LCOR: variants seen among roughly 807,000 people sequenced by gnomAD.
The protein encoded by LCOR is ligand-dependent corepressor.
A neutral mutation model predicts 64.4 loss-of-function variants in LCOR; 14 were observed. The observed-to-expected ratio is 0.22, with a 90% confidence interval of 0.14 to 0.34. The LOEUF is 0.34. Ranked by LOEUF, LCOR falls within the 10% of genes least tolerant of loss-of-function variation. The probability of loss-of-function intolerance (pLI) is 1.00; values close to 1 mark genes in which losing one functional copy is unlikely to be tolerated. For missense variants in LCOR, 1,686 were observed against 1,765.3 expected, an observed-to-expected ratio of 0.96 and a Z score of 0.80; for synonymous variants, 643 against 642.5, an observed-to-expected ratio of 1.00 and a Z score of -0.01.
At chr10:96,934,408 T>G (rs1022502707) in intron 4 of LCOR, among the ~76,000 whole-genome samples, 5 of 152,156 alleles carry the variant, frequency 3.3e-5, no homozygotes, top group African/African-American at 7.2e-5. Flanking sequence ...TAAGGACTGC[T>G]TTCTACCCTA....
At chr10:96,879,342 A>G (rs1846222158) in intron 2 of LCOR, among the ~76,000 whole-genome samples, 1 of 152,186 alleles carries the variant, frequency 6.6e-6, no homozygotes, top group East Asian at 1.9e-4. Flanking sequence ...ATTCTAAATC[A>G]CTGTGCAGTG....
In LCOR at chr10:96,988,405, C is replaced by G. The variant is rs1848167308; in HGVS notation, c.*3271C>G. 1 of 152,222 alleles carries G rather than the reference C, an allele frequency of 6.6e-6. No individual in the cohort carries two copies. The highest frequency in any genetic ancestry group is 1.5e-5 in the Non-Finnish European group (1 of 68,044). The allele number at this position is 152,222 out of a possible 1,614,324, so 9.4% of individuals were successfully genotyped here. On this transcript the variant is annotated 3_prime_UTR_variant, in exon 8 of 8. Coordinates refer to ENST00000421806, the MANE Select transcript of LCOR (RefSeq NM_001346516.2). Reference sequence around the variant, plus strand: ...AATGATAATCTTAGGCTGTGAGTCTCCTGCTGTATTGTTCCTAAAATCGTA... The same window carrying G: ...AATGATAATCTTAGGCTGTGAGTCTGCTGCTGTATTGTTCCTAAAATCGTA...
At chr10:96,924,855 A>G (rs971058611) in intron 4 of LCOR, among the ~76,000 whole-genome samples, 1 of 152,122 alleles carries the variant, frequency 6.6e-6, no homozygotes, top group Non-Finnish European at 1.5e-5. Context: ...TAGTTTCCAA[A>G]GTCAGGAAAG....
At chr10:96,918,470 A>G (rs910669190) in intron 4 of LCOR, among the ~76,000 whole-genome samples, 9 of 152,182 alleles carry the variant, frequency 5.9e-5, no homozygotes, top group African/African-American at 2.2e-4. Context: ...AATACACGCT[A>G]CTGGCTTGAA....
At chr10:96,833,221 A>C (rs1323667554) in intron 1 of LCOR, 185 bp from the exon 2 acceptor site, 1 of 980,728 alleles carries the variant, frequency 1.0e-6, no homozygotes, top group Admixed American at 6.2e-5. Context: ...CCTCCCGGGG[A>C]TTGGCCGGAG....
chr10:96,965,163 C>G (rs549945957), intron 7 of LCOR, among the ~76,000 whole-genome samples: 17 of 151,580 alleles, frequency 1.1e-4, no homozygotes, highest in African/African-American at 4.1e-4. Flanking sequence ...CGCCCGCCAC[C>G]ACGCCTGGCT....
chr10:96,960,353 T>C (rs1408028219), intron 7 of LCOR: 3 of 152,200 alleles, frequency 2.0e-5, no homozygotes, highest in East Asian at 3.8e-4. Context: ...GTTGAAAATA[T>C]TTTGAGTAGT....
At chr10:96,898,593 T>G (rs112002056) in intron 2 of LCOR, among the ~76,000 whole-genome samples, 2,438 of 152,218 alleles carry the variant, frequency 0.016, 72 homozygotes, top group African/African-American at 0.053. Context: ...AGAGATGTTA[T>G]TAATAGGTGG....
At chr10:96,975,189 A>G (rs1848027978) in intron 7 of LCOR, among the ~76,000 whole-genome samples, 1 of 152,156 alleles carries the variant, frequency 6.6e-6, no homozygotes, top group Non-Finnish European at 1.5e-5. Context: ...ATAATAAAAT[A>G]AATACTTATG....
chr10:96,981,337 A>G lies in LCOR; in HGVS notation c.877A>G (p.Thr293Ala). ...CCCTAAAATCTTGGAGGGGCAGACCACTGGACAAGAGCAAGACACAAATGT... is the reference window on the plus strand; with the variant it reads ...CCCTAAAATCTTGGAGGGGCAGACCGCTGGACAAGAGCAAGACACAAATGT... ...HIPKILEGQT[T>A]GQEQDTNVNI... The change falls in exon 8 of 8, where the codon ACT becomes GCT. Residue 293 changes from threonine to alanine, a missense_variant. This residue lies in a region of LCOR where 313 missense variants were observed against 247.2 expected (regional missense o/e 1.27). Transcript: ENST00000421806. The G allele has an allele frequency of 6.2e-7, 1 of 1,612,260 alleles. No individual in the cohort carries two copies. The highest frequency in any genetic ancestry group is 8.5e-7 in the Non-Finnish European group (1 of 1,178,854).
chr10:96,881,769 T>C (rs1846266917), intron 2 of LCOR, among the ~76,000 whole-genome samples: 1 of 152,210 alleles, frequency 6.6e-6, no homozygotes, highest in South Asian at 2.1e-4. Context: ...AGCAATGTTA[T>C]TTTAATTGAG....
rs199740768 is a variant in LCOR at position 96,913,900 on chromosome 10, T to C, written c.-184+6153T>C. Among the ~76,000 whole-genome samples the C allele has an allele frequency of 1.5e-4, 22 of 148,418 alleles. No individual in the cohort carries two copies. In the East Asian group the frequency reaches 4.3e-3, roughly 29 times the overall value. ...GCCTGGGCGACACACACAGACTGTC[T>C]GGAAAAAAAAAAAAAAGAAGTTAGA... On this transcript the variant is annotated intron_variant, in intron 4 of 7. Coordinates refer to ENST00000421806, the MANE Select transcript of LCOR (RefSeq NM_001346516.2).
At chr10:96,848,749 C>A (rs12219632) in intron 2 of LCOR, among the ~76,000 whole-genome samples, 1 of 152,108 alleles carries the variant, frequency 6.6e-6, no homozygotes, top group Admixed American at 6.6e-5. Context: ...ATTATTGCAT[C>A]TGAAGATTAT....
rs774127693 is a variant in LCOR at position 96,982,875 on chromosome 10, A to T, written c.2415A>T (p.Lys805Asn). 6.2e-7 allele frequency: 1 copy of T among 1,614,074 alleles called. No homozygotes were observed. Among genetic ancestry groups the T allele is most frequent in the Non-Finnish European group, 8.5e-7 (1 of 1,180,034 alleles). Residue 805 changes from lysine to asparagine, a missense_variant, in exon 8 of 8, where the codon AAA becomes AAT. Around this residue, in one of 3 missense-constraint regions of LCOR, gnomAD observed 1,293 missense variants for 1,410.4 expected, o/e 0.92. Transcript: ENST00000421806. ...AAGAGAATTTGGACAAGAAGAAAAA[A>T]GGTAAAAAATTCCCTGAGGCCTCTG... Reference protein sequence around the residue: ...SLEENLDKKKKGKKFPEASDR... With the variant: ...SLEENLDKKKNGKKFPEASDR...
At chr10:96,900,398 C>T (rs1037032220) in intron 2 of LCOR, among the ~76,000 whole-genome samples, 12 of 150,794 alleles carry the variant, frequency 8.0e-5, no homozygotes, top group Middle Eastern at 6.5e-3. Flanking sequence ...GAATCTCTTA[C>T]GAGTTAGACA....
chr10:96,891,146 G>A (rs1014816881), intron 2 of LCOR, among the ~76,000 whole-genome samples: 2 of 152,104 alleles, frequency 1.3e-5, no homozygotes, highest in Non-Finnish European at 2.9e-5. Flanking sequence ...CACCAATGAA[G>A]CCATATGGTC....
At chr10:96,867,289 G>A (rs1232913419) in intron 2 of LCOR, among the ~76,000 whole-genome samples, 3 of 152,142 alleles carry the variant, frequency 2.0e-5, no homozygotes, top group Non-Finnish European at 4.4e-5. Flanking sequence ...CACTGTGCCC[G>A]GACAGTCTTT....
chr10:96,905,704 A>T (rs1309846174), intron 2 of LCOR, among the ~76,000 whole-genome samples: 2 of 151,926 alleles, frequency 1.3e-5, no homozygotes, highest in Non-Finnish European at 2.9e-5. Context: ...AGACATAGAT[A>T]CCTCCCATTT....
At chr10:96,844,451 T>G (rs1337588312) in intron 2 of LCOR, among the ~76,000 whole-genome samples, 1 of 152,164 alleles carries the variant, frequency 6.6e-6, no homozygotes, top group African/African-American at 2.4e-5. Context: ...TGATTGCTTA[T>G]GTGCTTTATG....
Sources: gnomAD v4.1 joint callset for allele counts (sites outside exome capture counted in the v4.1 genomes callset) on GRCh38, gnomAD v4.1.1 for gene constraint, gnomAD v4.1.1 regional missense constraint, MANE v1.5 for transcripts, NCBI Gene and HGNC (gene_info 2026-07-23, HGNC 2026-07-21) for gene names.